Variants in EPB41L5 observed in about 807,000 individuals in gnomAD.
EPB41L5 encodes band 4.1-like protein 5.
Under a neutral mutation model 106.6 loss-of-function variants are expected in EPB41L5, and 55 were observed. The observed-to-expected ratio is 0.52, with a 90% CI of 0.42 to 0.65. The LOEUF (loss-of-function observed/expected upper bound fraction) is 0.65. Among genes scored for constraint, EPB41L5 ranks in the 30% least tolerant of loss-of-function variants. The pLI is 0.00. For synonymous variants in EPB41L5, 297 were observed against 306.7 expected (o/e 0.97, Z 0.33); for missense variants, 871 against 882.1 (o/e 0.99, Z 0.16).
At chr2:120,089,049 C>T (rs1374776562) in intron 11 of EPB41L5, among the ~76,000 whole-genome samples, 1 of 152,052 alleles carries the variant, frequency 6.6e-6, no homozygotes, top group Non-Finnish European at 1.5e-5. Flanking sequence ...TTTTAGATGA[C>T]ATATAATAAT....
chr2:120,089,485 G>A (rs952703232), intron 11 of EPB41L5, among the ~76,000 whole-genome samples: 2 of 152,034 alleles, frequency 1.3e-5, no homozygotes, highest in African/African-American at 4.8e-5. Context: ...TTATCTAAAC[G>A]TGTACCTATG....
chr2:120,015,340 G>T (rs1574454199), intron 1 of EPB41L5, among the ~76,000 whole-genome samples: 1 of 151,166 alleles, frequency 6.6e-6, no homozygotes, highest in Admixed American at 6.6e-5. Flanking sequence ...AAAAAAATTA[G>T]GTGGGGTCTT....
At position 120,013,080 on chromosome 2, in the gene EPB41L5, C is replaced by G. The variant is rs938253225; in HGVS notation, c.-139C>G. Reference sequence around the variant, plus strand: ...GGTGGACGGGCGGGAGGTCGGGGTCCTCCGGGGATTAGAGCCGGTGGGCTC... The same window carrying G: ...GGTGGACGGGCGGGAGGTCGGGGTCGTCCGGGGATTAGAGCCGGTGGGCTC... On this transcript the variant is annotated 5_prime_UTR_variant, in exon 1 of 25. Coordinates refer to ENST00000263713, the MANE Select transcript of EPB41L5 (RefSeq NM_020909.4). The G allele has an allele frequency of 1.3e-5, 2 of 152,194 alleles. No homozygotes were observed. The highest frequency in any genetic ancestry group is 1.9e-4 in the East Asian group (1 of 5,162). 9.4% of individuals were successfully genotyped at this position (152,194 alleles called of 1,614,324 possible).
At chr2:120,114,174 G>T (rs1255835209) in intron 16 of EPB41L5, among the ~76,000 whole-genome samples, 1 of 152,182 alleles carries the variant, frequency 6.6e-6, no homozygotes, top group East Asian at 1.9e-4. Context: ...TAGTTGTGAA[G>T]TAGTGTATTG....
At chr2:120,079,630 C>T (rs150315422) in intron 10 of EPB41L5, among the ~76,000 whole-genome samples, 34 of 152,298 alleles carry the variant, frequency 2.2e-4, no homozygotes, top group African/African-American at 8.2e-4. Flanking sequence ...TCTTGATCAG[C>T]TCGGAAGTCC....
intron 2 of EPB41L5, among the ~76,000 whole-genome samples, chr2:120,023,580 C>G (rs1678092516): frequency 6.6e-6 from 1 of 152,150 alleles, no homozygotes; most frequent in South Asian, 2.1e-4. Flanking sequence ...GTTTTGGTTA[C>G]TATAGCCTTA....
intron 24 of EPB41L5, among the ~76,000 whole-genome samples, chr2:120,171,771 G>A (rs1258307180): frequency 6.6e-6 from 1 of 152,106 alleles, no homozygotes; most frequent in Admixed American, 6.6e-5. Context: ...TATATACACA[G>A]GTCCCAGACA....
At chr2:120,137,253 A>G (rs1210748973) in intron 18 of EPB41L5, among the ~76,000 whole-genome samples, 1 of 152,126 alleles carries the variant, frequency 6.6e-6, no homozygotes, top group African/African-American at 2.4e-5. Context: ...AAGCACCTAC[A>G]TCACAAAAGT....
At chr2:120,099,433 A>AT (rs1361424559) in intron 14 of EPB41L5, among the ~76,000 whole-genome samples, 61 of 144,064 alleles carry the variant, frequency 4.2e-4, no homozygotes, top group Middle Eastern at 3.6e-3. Flanking sequence ...TGAACTGAAA[A>AT]TTTTTTTTTT....
At chr2:120,049,912 T>C (rs1008840975) in intron 3 of EPB41L5, among the ~76,000 whole-genome samples, 2 of 152,218 alleles carry the variant, frequency 1.3e-5, no homozygotes, top group African/African-American at 4.8e-5. Flanking sequence ...TTATTTCTCC[T>C]TCACTTATGA....
intron 16 of EPB41L5, among the ~76,000 whole-genome samples, chr2:120,113,541 A>G (rs942848983): frequency 1.3e-5 from 2 of 152,238 alleles, no homozygotes; most frequent in Non-Finnish European, 2.9e-5. Context: ...ACTACGTTTA[A>G]AAAAATTTAA....
At position 120,013,108 on chromosome 2, in the gene EPB41L5, T is replaced by A. The variant is rs1304047879; in HGVS notation, c.-111T>A. 6.6e-6 allele frequency: 1 copy of A among 152,126 alleles called. No homozygotes were observed. Among genetic ancestry groups the A allele is most frequent in the Non-Finnish European group, 1.5e-5 (1 of 68,040 alleles). 9.4% of individuals were successfully genotyped at this position (152,126 alleles called of 1,614,324 possible). Reference sequence around the variant, plus strand: ...CGGGGATTAGAGCCGGTGGGCTCGTTGTGGGCGCCATTTCTCGGCGTCTAC... The same window carrying A: ...CGGGGATTAGAGCCGGTGGGCTCGTAGTGGGCGCCATTTCTCGGCGTCTAC... On this transcript the variant is annotated 5_prime_UTR_variant, in exon 1 of 25. Coordinates refer to ENST00000263713, the MANE Select transcript of EPB41L5 (RefSeq NM_020909.4).
chr2:120,075,838 G>A, intron 7 of EPB41L5, 85 bp downstream of exon 7: 3 of 1,093,138 alleles, frequency 2.7e-6, no homozygotes, highest in Non-Finnish European at 4.2e-6. Flanking sequence ...CTAATTATGT[G>A]CAAGAAAAGA....
intron 3 of EPB41L5, among the ~76,000 whole-genome samples, chr2:120,071,533 A>G (rs1044689473): frequency 1.3e-5 from 2 of 152,206 alleles, no homozygotes; most frequent in African/African-American, 4.8e-5. Flanking sequence ...AAACTATACT[A>G]CAAGGCTACA....
chr2:120,109,856 A>T (rs1224209115), intron 16 of EPB41L5, among the ~76,000 whole-genome samples: 1 of 152,240 alleles, frequency 6.6e-6, no homozygotes, highest in Non-Finnish European at 1.5e-5. Flanking sequence ...TTCTAATCAA[A>T]CATTGTCCCT....
chr2:120,023,553 G>A (rs923164955), intron 2 of EPB41L5, among the ~76,000 whole-genome samples: 2 of 152,034 alleles, frequency 1.3e-5, no homozygotes, highest in Non-Finnish European at 2.9e-5. Flanking sequence ...TGTCTGTTTT[G>A]GTACCAGTAC....
chr2:120,024,788 T>A (rs1221541064), intron 2 of EPB41L5, among the ~76,000 whole-genome samples: 3 of 152,070 alleles, frequency 2.0e-5, no homozygotes, highest in African/African-American at 7.2e-5. Flanking sequence ...TTGGTTCTGT[T>A]TAGGTGATGG....
intron 16 of EPB41L5, among the ~76,000 whole-genome samples, chr2:120,114,923 T>G (rs1034633893): frequency 6.6e-6 from 1 of 152,210 alleles, no homozygotes; most frequent in African/African-American, 2.4e-5. Context: ...TGATTTAGCT[T>G]TATGTGTTTG....
At chr2:120,077,167 C>A in intron 8 of EPB41L5, 62 bp from the exon 9 acceptor site, 1 of 1,576,804 alleles carries the variant, frequency 6.3e-7, no homozygotes, top group Non-Finnish European at 8.7e-7. Flanking sequence ...CTGTTTCTAT[C>A]CTTGGTATAG....
Sources: allele counts gnomAD v4.1 joint callset (sites outside exome capture counted in the v4.1 genomes callset), GRCh38; gene constraint gnomAD v4.1.1; transcripts MANE v1.5; gene names NCBI Gene and HGNC (gene_info 2026-07-23, HGNC 2026-07-21).